Variants in BCL2 observed in about 807,000 individuals in gnomAD.
BCL2 encodes the protein BCL2 apoptosis regulator.
BCL2 carries 1 observed loss-of-function variant against 14.2 expected under a neutral mutation model. That is an observed-to-expected ratio of 0.07 (90% confidence interval 0.02 to 0.33). The LOEUF (loss-of-function observed/expected upper bound fraction) is 0.33, where lower values mean the gene tolerates loss of function less well. Ranked by LOEUF, BCL2 falls within the 10% of genes least tolerant of loss-of-function variation. The pLI is 0.99. For missense variants in BCL2, 247 were observed against 305.9 expected (o/e 0.81, Z 1.44); for synonymous variants, 151 against 137.2 (o/e 1.10, Z -0.70).
intron 2 of BCL2, among the ~76,000 whole-genome samples, chr18:63,180,582 C>T (rs936005916): frequency 1.3e-5 from 2 of 151,586 alleles, no homozygotes; most frequent in Admixed American, 6.6e-5. Flanking sequence ...AGGCTGACCA[C>T]GGCAACGTGA....
Position 63,317,869 on chromosome 18 carries a change from A to C in BCL2, c.585+213T>G. 3.5e-6 allele frequency: 5 copies of C among 1,409,506 alleles called. No homozygotes were observed. The South Asian group carries it at 6.5e-5, about 18-fold the overall frequency. The allele number at this position is 1,409,506 out of a possible 1,614,324, so 87.3% of individuals were successfully genotyped here. On this transcript the variant is annotated intron_variant, in intron 2 of 2. Coordinates refer to ENST00000333681, the MANE Select transcript of BCL2 (RefSeq NM_000633.3). ...CTTTGGATCTCCACGACTAGCAAGC[A>C]AGTTAAAGACTTTTAGATGGCAGGC...
chr18:63,135,918 C>G (rs1914196706), intron 2 of BCL2, among the ~76,000 whole-genome samples: 1 of 152,174 alleles, frequency 6.6e-6, no homozygotes, highest in Admixed American at 6.5e-5. Flanking sequence ...GAAACCACCC[C>G]CACAGAGACC....
intron 2 of BCL2, among the ~76,000 whole-genome samples, chr18:63,156,536 G>A (rs952243252): frequency 8.5e-5 from 13 of 152,114 alleles, no homozygotes; most frequent in Admixed American, 6.5e-5. Flanking sequence ...TTATTGTTAG[G>A]TGCTACCCAA....
chr18:63,206,873 C>T (rs1909852104), intron 2 of BCL2, among the ~76,000 whole-genome samples: 1 of 151,818 alleles, frequency 6.6e-6, no homozygotes, highest in Admixed American at 6.6e-5. Flanking sequence ...AGGAAGAGGC[C>T]GGTCAGAGGA....
chr18:63,196,578 AG>A (rs1909452425), intron 2 of BCL2, among the ~76,000 whole-genome samples: 2 of 152,116 alleles, frequency 1.3e-5, no homozygotes, highest in African/African-American at 4.8e-5. Context: ...TTGAAATAAA[AG>A]GGTCAAAGGT....
rs778690174 is a variant in BCL2 at position 63,125,500 on chromosome 18, A to G, written c.*3125T>C. On this transcript the variant is annotated 3_prime_UTR_variant, in exon 3 of 3. Coordinates refer to ENST00000333681, the MANE Select transcript of BCL2 (RefSeq NM_000633.3). Reference sequence around the variant, plus strand: ...GCTTTTTTTAGAGCCCTTGTCCCCAATTTGGAAAGTGCATATACTCTATTT... The same window carrying G: ...GCTTTTTTTAGAGCCCTTGTCCCCAGTTTGGAAAGTGCATATACTCTATTT... 1.8e-4 allele frequency: 39 copies of G among 217,602 alleles called. 1 individual carries two copies. Among genetic ancestry groups the G allele is most frequent in the East Asian group, 9.4e-4 (14 of 14,910 alleles). 13.5% of individuals were successfully genotyped at this position (217,602 alleles called of 1,614,324 possible).
At chr18:63,133,325 T>TTTA (rs1914122479) in intron 2 of BCL2, among the ~76,000 whole-genome samples, 1 of 144,596 alleles carries the variant, frequency 6.9e-6, no homozygotes, top group Admixed American at 6.8e-5. Context: ...AAGAATTTTT[T>TTTA]TTTTTTTTTT....
At chr18:63,264,885 T>C (rs1911774002) in intron 2 of BCL2, among the ~76,000 whole-genome samples, 1 of 62 alleles carries the variant, frequency 0.016, no homozygotes, top group Non-Finnish European at 0.038. Flanking sequence ...GGGAGTACGC[T>C]GTCTCAAGTC....
intron 2 of BCL2, among the ~76,000 whole-genome samples, chr18:63,311,194 C>T (rs114847025): frequency 7.9e-4 from 120 of 152,114 alleles, no homozygotes; most frequent in African/African-American, 2.7e-3. Flanking sequence ...AATTCTAATG[C>T]AGCTGAGAGG....
chr18:63,196,376 T>A (rs1322955305), intron 2 of BCL2, among the ~76,000 whole-genome samples: 1 of 152,210 alleles, frequency 6.6e-6, no homozygotes, highest in Non-Finnish European at 1.5e-5. Context: ...AAATGAGATT[T>A]AGCCAAGAAA....
intron 2 of BCL2, among the ~76,000 whole-genome samples, chr18:63,156,276 T>C (rs1914780261): frequency 6.6e-6 from 1 of 152,160 alleles, no homozygotes; most frequent in African/African-American, 2.4e-5. Context: ...GTCAATCTAG[T>C]GCTTTCAACT....
chr18:63,182,372 A>G (rs1022845270), intron 2 of BCL2, among the ~76,000 whole-genome samples: 3 of 152,188 alleles, frequency 2.0e-5, no homozygotes, highest in African/African-American at 7.2e-5. Flanking sequence ...CCTGTGAAGA[A>G]GGATCAGGTG....
chr18:63,203,318 A>G (rs368795531), intron 2 of BCL2, among the ~76,000 whole-genome samples: 4 of 152,346 alleles, frequency 2.6e-5, no homozygotes, highest in African/African-American at 9.6e-5. Context: ...AGAGGCTATG[A>G]TCAGGAGATG....
chr18:63,315,215 G>A (rs1250252826), intron 2 of BCL2: 1 of 152,204 alleles, frequency 6.6e-6, no homozygotes, highest in African/African-American at 2.4e-5. Context: ...CTGTCTATAA[G>A]CCACACTGAG....
intron 2 of BCL2, among the ~76,000 whole-genome samples, chr18:63,280,797 A>G (rs1217813296): frequency 6.6e-6 from 1 of 152,234 alleles, no homozygotes; most frequent in East Asian, 1.9e-4. Flanking sequence ...AATTAAAAAT[A>G]GAATTACAAT....
intron 2 of BCL2, among the ~76,000 whole-genome samples, chr18:63,154,087 T>C (rs1914716087): frequency 6.6e-6 from 1 of 152,130 alleles, no homozygotes; most frequent in South Asian, 2.1e-4. Context: ...AGGGAACTGA[T>C]TACACCTTCC....
chr18:63,264,349 T>C (rs939261769), intron 2 of BCL2, among the ~76,000 whole-genome samples: 14 of 152,136 alleles, frequency 9.2e-5, no homozygotes, highest in Non-Finnish European at 1.9e-4. Flanking sequence ...ACACACCCCC[T>C]GTAAAACTGG....
intron 2 of BCL2, among the ~76,000 whole-genome samples, chr18:63,198,242 A>C (rs906907316): frequency 8.7e-5 from 13 of 150,094 alleles, no homozygotes; most frequent in Non-Finnish European, 1.8e-4. Context: ...ACACACTGAC[A>C]TAGAGACACA....
intron 2 of BCL2, among the ~76,000 whole-genome samples, chr18:63,210,015 C>T (rs1432114719): frequency 6.6e-6 from 1 of 152,136 alleles, no homozygotes; most frequent in Non-Finnish European, 1.5e-5. Context: ...AAAAGAAGAG[C>T]CCCTGGTGTG....
Sources: gnomAD v4.1 joint callset for allele counts (sites outside exome capture counted in the v4.1 genomes callset) on GRCh38, gnomAD v4.1.1 for gene constraint, MANE v1.5 for transcripts, NCBI Gene and HGNC (gene_info 2026-07-23, HGNC 2026-07-21) for gene names.